Variants in APC observed in about 807,000 individuals in gnomAD.
APC encodes the protein adenomatous polyposis coli protein.
In APC, 72 loss-of-function variants were observed where a neutral mutation model predicts 247.0. The observed-to-expected ratio is 0.29, with a 90% CI of 0.24 to 0.35. APC has a LOEUF of 0.35. Among genes scored for constraint, APC ranks in the 10% least tolerant of loss-of-function variants. The probability of loss-of-function intolerance (pLI) is 1.00; values close to 1 mark genes in which losing one functional copy is unlikely to be tolerated. For synonymous variants in APC, 1,254 were observed against 1,162.5 expected (o/e 1.08, Z -1.60); for missense variants, 3,400 against 3,360.7 (o/e 1.01, Z -0.29).
At chr5:112,836,707 CT>C (rs931297958) in intron 15 of APC, among the ~76,000 whole-genome samples, 1 of 151,732 alleles carries the variant, frequency 6.6e-6, no homozygotes, top group Non-Finnish European at 1.5e-5. Context: ...TTTTTCTTTT[CT>C]TTTTTTTCTT....
chr5:112,744,313 C>A (rs1753391632), intron 1 of APC, among the ~76,000 whole-genome samples: 1 of 152,194 alleles, frequency 6.6e-6, no homozygotes, highest in Admixed American at 6.5e-5. Flanking sequence ...TGTGCCCTCT[C>A]TTTCTGTTGT....
intron 2 of APC, among the ~76,000 whole-genome samples, chr5:112,758,037 A>G (rs1755191061): frequency 6.6e-6 from 1 of 152,214 alleles, no homozygotes; most frequent in South Asian, 2.1e-4. Context: ...GGGTGGAAAT[A>G]GAGGAAGTGG....
intron 11 of APC, among the ~76,000 whole-genome samples, chr5:112,824,617 A>G (rs1026897128): frequency 3.3e-5 from 5 of 152,172 alleles, no homozygotes; most frequent in Non-Finnish European, 7.4e-5. Flanking sequence ...CTTTAGGTGC[A>G]TTTTATCTTT....
chr5:112,839,634 C>T lies in APC; in HGVS notation c.4040C>T (p.Ala1347Val), dbSNP rs780423662. The T allele has an allele frequency of 6.2e-7, 1 of 1,614,122 alleles. No homozygotes were observed. Among genetic ancestry groups the T allele is most frequent in the Non-Finnish European group, 8.5e-7 (1 of 1,180,022 alleles). ...LQGSSLSSES[A>V]RHKAVEFSSG... is the part of the protein sequence containing the mutation. ...GGTTCTAGTTTATCTTCAGAATCAG[C>T]CAGGCACAAAGCTGTTGAATTTTCT... Residue 1347 changes from alanine (A) to valine (V), a missense_variant, in exon 16 of 16, where the codon GCC (alanine) becomes GTC (valine). Physicochemically the swap from Ala to Val is moderately conservative, Grantham distance 64. Transcript: ENST00000257430. This position sits in a 1 kb window ranked among gnomAD's most constrained non-coding sequence, Gnocchi z 5.0.
intron 2 of APC, among the ~76,000 whole-genome samples, chr5:112,765,556 A>G (rs925541525): frequency 1.3e-5 from 2 of 152,228 alleles, no homozygotes; most frequent in Non-Finnish European, 2.9e-5. Flanking sequence ...CAAATGTTCA[A>G]ATATTTTGTC....
In APC at chr5:112,839,019, A is replaced by G. The variant is rs138410865; in HGVS notation, c.3425A>G (p.Asn1142Ser). 2.2e-5 allele frequency: 35 copies of G among 1,614,150 alleles called. No individual in the cohort carries two copies. The highest frequency in any genetic ancestry group is 3.0e-5 in the Non-Finnish European group (35 of 1,180,024). The change falls in exon 16 of 16, where the codon AAT (asparagine) becomes AGT (serine). Residue 1142 changes from asparagine (N) to serine (S), a missense_variant. This residue lies in a region of APC where 715 missense variants were observed against 656.6 expected (regional missense o/e 1.09). Coordinates refer to ENST00000257430, the MANE Select transcript of APC (RefSeq NM_000038.6). The surrounding 1 kb of genome is among the most constrained non-coding windows in gnomAD (Gnocchi z 5.0). ...EDDYEDDKPT[N>S]YSERYSEEEQ... ...GACTATGAAGATGATAAGCCTACCA[A>G]TTATAGTGAACGTTACTCTGAAGAA...
In APC at chr5:112,842,952, G is replaced by A. The variant is rs543054681; in HGVS notation, c.7358G>A (p.Arg2453Lys). 5 of 1,614,020 alleles carry A rather than the reference G, an allele frequency of 3.1e-6. No individual in the cohort carries two copies. Among genetic ancestry groups the A allele is most frequent in the Non-Finnish European group, 4.2e-6 (5 of 1,179,916 alleles). ...FIKEAPSPTL[R>K]RKLEESASFE... is the part of the protein sequence containing the mutation. Reference sequence around the variant, plus strand: ...AAAGAAGCTCCAAGCCCAACCTTAAGAAGAAAATTGGAGGAATCTGCTTCA... The same window carrying A: ...AAAGAAGCTCCAAGCCCAACCTTAAAAAGAAAATTGGAGGAATCTGCTTCA... The change falls in exon 16 of 16, where the codon AGA (arginine) becomes AAA (lysine). Residue 2453 changes from arginine (R) to lysine (K), a missense_variant. By Grantham distance (26) the Arg-to-Lys change is conservative. This residue lies in a region of APC where 1,788 missense variants were observed against 1,649.5 expected (regional missense o/e 1.08). Coordinates refer to ENST00000257430, the MANE Select transcript of APC (RefSeq NM_000038.6).
intron 7 of APC, among the ~76,000 whole-genome samples, chr5:112,794,089 T>G (rs2149689595): frequency 6.6e-6 from 1 of 151,340 alleles, no homozygotes; most frequent in African/African-American, 2.4e-5. Flanking sequence ...GTTTTGTTGG[T>G]GAATCCTGCC....
intron 2 of APC, among the ~76,000 whole-genome samples, chr5:112,762,439 G>A (rs1467365752): frequency 1.3e-5 from 2 of 152,190 alleles, no homozygotes; most frequent in African/African-American, 4.8e-5. Flanking sequence ...CAGCCCAGAT[G>A]CCCCTTTAAG....
rs1294902871 is a variant in APC, at chr5:112,767,319, A to G, written c.351A>G (p.Ser117=). The G allele has an allele frequency of 1.2e-6, 2 of 1,614,198 alleles. No homozygotes were observed. The highest frequency in any genetic ancestry group is 1.7e-6 in the Non-Finnish European group (2 of 1,180,024). Residue 117 remains serine (S), a synonymous_variant, in exon 4 of 16, where the codon TCA becomes TCG. Transcript: ENST00000257430. The part of the protein sequence containing the change: ...SGECSPVPMG[S]FPRRGFVNGS... ...AGTGCAGTCCTGTTCCTATGGGTTC[A>G]TTTCCAAGAAGAGGGTTTGTAAATG...
chr5:112,762,798 G>A (rs564965563), intron 2 of APC, among the ~76,000 whole-genome samples: 57 of 152,288 alleles, frequency 3.7e-4, no homozygotes, highest in Admixed American at 1.3e-3. Context: ...TAGGATTAGT[G>A]TATTTTACAT....
intron 7 of APC, among the ~76,000 whole-genome samples, chr5:112,797,609 C>T (rs1456396666): frequency 1.3e-5 from 2 of 152,130 alleles, no homozygotes; most frequent in Non-Finnish European, 1.5e-5. Context: ...TTCTTCCAGA[C>T]ATAGTTTATT....
Position 112,799,280 on chromosome 5 carries a change from C to A in APC, c.730-1999C>A, listed in dbSNP as rs540197735. Reference sequence around the variant, plus strand: ...CTCCTAAGCCCTCTTTACTACCCCACCTTGCAGCAAAAAACCTTCATCCTC... The same window carrying A: ...CTCCTAAGCCCTCTTTACTACCCCAACTTGCAGCAAAAAACCTTCATCCTC... On this transcript the variant is annotated intron_variant, in intron 7 of 15. Transcript: ENST00000257430. 2.0e-5 allele frequency among the ~76,000 whole-genome samples: 3 copies of A among 152,106 alleles called. No homozygotes were observed. In the East Asian group the frequency reaches 5.8e-4, roughly 29 times the overall value.
At chr5:112,729,138 A>G (rs1054887910) in intron 1 of APC, among the ~76,000 whole-genome samples, 11 of 152,218 alleles carry the variant, frequency 7.2e-5, no homozygotes, top group Admixed American at 1.3e-4. Context: ...TGTCTTACTC[A>G]TTATTGTATC....
At chr5:112,735,825 G>A (rs1752351946), upstream of APC, among the ~76,000 whole-genome samples, 1 of 152,092 alleles carries the variant, frequency 6.6e-6, no homozygotes, top group Admixed American at 6.5e-5. Context: ...AGTGACTAAT[G>A]AACATATAAT....
chr5:112,791,482 T>C (rs75400126), intron 6 of APC, among the ~76,000 whole-genome samples: 2,298 of 152,280 alleles, frequency 0.015, 48 homozygotes, highest in East Asian at 0.081. Context: ...AGTGGCTGCA[T>C]TAGGAGCATG....
At chr5:112,739,306 C>T (rs909860484) in intron 1 of APC, among the ~76,000 whole-genome samples, 1 of 152,092 alleles carries the variant, frequency 6.6e-6, no homozygotes, top group African/African-American at 2.4e-5. Context: ...CCTGCCACAC[C>T]TCCCCACTCC....
chr5:112,729,602 A>G (rs1025396680), intron 1 of APC, among the ~76,000 whole-genome samples: 4 of 152,242 alleles, frequency 2.6e-5, no homozygotes, highest in Admixed American at 6.5e-5. Context: ...AAGGTAAAGA[A>G]TTTAAAATTT....
intron 7 of APC, among the ~76,000 whole-genome samples, chr5:112,797,434 GA>G (rs1297165306): frequency 6.6e-6 from 1 of 152,140 alleles, no homozygotes; most frequent in African/African-American, 2.4e-5. Flanking sequence ...TCTCTATCAT[GA>G]AGCATATTTC....
Sources: gnomAD v4.1 joint callset for allele counts (sites outside exome capture counted in the v4.1 genomes callset) on GRCh38, gnomAD v4.1.1 for gene constraint, gnomAD v4.1.1 regional missense constraint, Gnocchi (gnomAD v3.1) non-coding constraint, MANE v1.5 for transcripts, NCBI Gene and HGNC (gene_info 2026-07-23, HGNC 2026-07-21) for gene names.